MAP3K9: variants seen among roughly 807,000 people sequenced by gnomAD.
The protein encoded by MAP3K9 is mixed lineage kinase 1 (tyr and ser/thr specificity).
A neutral mutation model predicts 95.8 loss-of-function variants in MAP3K9; 46 were observed. The observed-to-expected ratio is 0.48, with a 90% CI of 0.38 to 0.61. MAP3K9 has a LOEUF of 0.61. Ranked by LOEUF, MAP3K9 falls within the 20% of genes least tolerant of loss-of-function variation. The probability of loss-of-function intolerance (pLI) is 0.00; values close to 1 mark genes in which losing one functional copy is unlikely to be tolerated. For synonymous variants in MAP3K9, 533 were observed against 593.8 expected (o/e 0.90, Z 1.49); for missense variants, 1,296 against 1,474.3 (o/e 0.88, Z 1.98).
chr14:70,733,568 A>C (rs774548297), intron 10 of MAP3K9, among the ~76,000 whole-genome samples: 130 of 152,318 alleles, frequency 8.5e-4, no homozygotes, highest in Non-Finnish European at 1.6e-3. Flanking sequence ...ATTTCCTTAG[A>C]GCAGAATAAA....
At chr14:70,756,381 A>G (rs1263931854) in intron 3 of MAP3K9, among the ~76,000 whole-genome samples, 1 of 152,230 alleles carries the variant, frequency 6.6e-6, no homozygotes, top group African/African-American at 2.4e-5. Context: ...CAATCATGTT[A>G]CTGAGAAATC....
chr14:70,793,251 T>G (rs1270391666), intron 2 of MAP3K9, among the ~76,000 whole-genome samples: 3 of 152,014 alleles, frequency 2.0e-5, no homozygotes, highest in East Asian at 3.8e-4. Context: ...AGGAAAAGTG[T>G]GAAGAGGGGA....
At chr14:70,764,292 CA>C (rs2054418404) in intron 2 of MAP3K9, among the ~76,000 whole-genome samples, 1 of 151,006 alleles carries the variant, frequency 6.6e-6, no homozygotes, top group South Asian at 2.1e-4. Context: ...TTAACAGCTC[CA>C]GGTGTGTTTT....
Position 70,734,497 on chromosome 14 carries a change from G to T in MAP3K9, c.1915C>A (p.Leu639Ile). 6.3e-7 allele frequency: 1 copy of T among 1,574,876 alleles called. No individual in the cohort carries two copies. Among genetic ancestry groups the T allele is most frequent in the Non-Finnish European group, 8.7e-7 (1 of 1,147,706 alleles). The change falls in exon 10 of 12, where the codon CTC becomes ATC. Residue 639 changes from leucine to isoleucine, a missense_variant and splice_region_variant. Leu to Ile is a conservative substitution (Grantham distance 5). Transcript: ENST00000554752. The stretch of plus-strand genomic sequence containing the variant: ...TTATATCCATCTACCAGGGACTTGA[G>T]GCTGAATCAGAGGAAAAGAGGAAAC... ...PSESPHFHLG[L>I]KSLVDGYKQW... is the part of the protein sequence containing the mutation.
chr14:70,765,751 CAAAAAAAAACAA>C (rs1566749987), intron 2 of MAP3K9, among the ~76,000 whole-genome samples: 930 of 89,794 alleles, frequency 0.01, 12 homozygotes, highest in African/African-American at 0.036. Context: ...AAAAAAAAAA[CAAAAAAAAACAA>C]AAAAAAAAAA....
Position 70,742,481 on chromosome 14 carries a change from G to C in MAP3K9, c.1437C>G (p.Ile479Met). ...TGATGATGTTGAGCTCCCGTTCCAG[G>C]ATGTCAATCTCCCGCTCGGCCAGCT... ...EQELAEREID[I>M]LERELNIIIH... is the part of the protein sequence containing the mutation. The change falls in exon 6 of 12, where the codon ATC becomes ATG. Residue 479 changes from isoleucine to methionine, a missense_variant. Ile to Met is a conservative substitution (Grantham distance 10, BLOSUM62 1). Transcript: ENST00000554752. 1 of 1,614,212 alleles carries C rather than the reference G, an allele frequency of 6.2e-7. No individual in the cohort carries two copies. Among genetic ancestry groups the C allele is most frequent in the Non-Finnish European group, 8.5e-7 (1 of 1,180,040 alleles).
At chr14:70,804,788 CTCTT>C (rs2054972218) in intron 1 of MAP3K9, among the ~76,000 whole-genome samples, 1 of 152,168 alleles carries the variant, frequency 6.6e-6, no homozygotes, top group South Asian at 2.1e-4. Flanking sequence ...GCAATAACCT[CTCTT>C]TGAGTAGAAC....
At chr14:70,734,294 C>T (rs1443223231) in intron 10 of MAP3K9, 92 bp downstream of exon 10, 8 of 842,894 alleles carry the variant, frequency 9.5e-6, no homozygotes, top group Non-Finnish European at 1.2e-5. Flanking sequence ...TGAAGCAGTG[C>T]TAGGGGTCCT....
intron 4 of MAP3K9, 64 bp from the exon 5 acceptor site, chr14:70,749,068 G>A (rs2078492441): frequency 1.4e-6 from 2 of 1,450,238 alleles, no homozygotes; most frequent in Non-Finnish European, 1.9e-6. Context: ...TAAGACTTAG[G>A]CTATTACATG....
chr14:70,764,555 G>C (rs1325407350), intron 2 of MAP3K9, among the ~76,000 whole-genome samples: 1 of 152,168 alleles, frequency 6.6e-6, no homozygotes, highest in Non-Finnish European at 1.5e-5. Flanking sequence ...TGTAGGCTGA[G>C]GGTGGTGGCT....
At chr14:70,741,199 T>C (rs1182498232) in intron 6 of MAP3K9, among the ~76,000 whole-genome samples, 1 of 152,184 alleles carries the variant, frequency 6.6e-6, no homozygotes, top group Non-Finnish European at 1.5e-5. Context: ...CAAGCAATTC[T>C]CCTGCCTCAG....
At chr14:70,776,635 G>C (rs1168309821) in intron 2 of MAP3K9, among the ~76,000 whole-genome samples, 1 of 152,110 alleles carries the variant, frequency 6.6e-6, no homozygotes, top group African/African-American at 2.4e-5. Flanking sequence ...CTCTCCGTTA[G>C]AGATTCACCC....
intron 3 of MAP3K9, among the ~76,000 whole-genome samples, chr14:70,758,861 C>G (rs981023063): frequency 2.0e-5 from 3 of 151,932 alleles, no homozygotes; most frequent in Non-Finnish European, 4.4e-5. Context: ...CTCCTGGGTT[C>G]AAGCGATTCT....
Position 70,809,147 on chromosome 14 carries a change from C to T in MAP3K9, c.25G>A (p.Gly9Ser), listed in dbSNP as rs2139878402. 1 of 1,378,932 alleles carries T rather than the reference C, an allele frequency of 7.3e-7. No homozygotes were observed. Among genetic ancestry groups the T allele is most frequent in the East Asian group, 3.0e-5 (1 of 33,434 alleles). 85.4% of individuals were successfully genotyped at this position (1,378,932 alleles called of 1,614,324 possible). Reference protein sequence around the residue: MEPSRALLGCLASAAAAAP... With the variant: MEPSRALLSCLASAAAAAP... ...GCAGCGGCGGCGCTCGCTAGGCAGC[C>T]GAGAAGCGCTCTGGAGGGCTCCATG... Residue 9 changes from glycine to serine, a missense_variant, in exon 1 of 12, where the codon GGC becomes AGC. Physicochemically the swap from Gly to Ser is moderately conservative, Grantham distance 56. Transcript: ENST00000554752.
At chr14:70,769,074 G>A (rs2054495796) in intron 2 of MAP3K9, among the ~76,000 whole-genome samples, 1 of 152,172 alleles carries the variant, frequency 6.6e-6, no homozygotes, top group Admixed American at 6.5e-5. Flanking sequence ...GGCTGGGAGT[G>A]GTGGAGCACA....
intron 2 of MAP3K9, among the ~76,000 whole-genome samples, chr14:70,787,398 C>T (rs1987652): frequency 0.3 from 45,110 of 151,364 alleles, 6,981 homozygotes; most frequent in Admixed American, 0.34. Context: ...ATCCTAGCTA[C>T]TCGGGAGGCT....
chr14:70,765,461 T>C (rs918003481), intron 2 of MAP3K9: 4 of 694,380 alleles, frequency 5.8e-6, no homozygotes, highest in Non-Finnish European at 1.0e-5. Context: ...CTTCCAGTCC[T>C]GTAAGCTCCA....
intron 2 of MAP3K9, among the ~76,000 whole-genome samples, chr14:70,782,989 G>A (rs1377605881): frequency 1.3e-5 from 2 of 152,286 alleles, no homozygotes; most frequent in Admixed American, 6.5e-5. Flanking sequence ...CTGGGAAAAC[G>A]CTCAAATGCC....
intron 9 of MAP3K9, among the ~76,000 whole-genome samples, chr14:70,735,149 ACAGGAGCTCGCTTT>A (rs2053966731): frequency 6.6e-6 from 1 of 152,190 alleles, no homozygotes; most frequent in Non-Finnish European, 1.5e-5. Context: ...GAGACAGAGG[ACAGGAGCTCGCTTT>A]CAAATCCCTG....
Sources: allele counts gnomAD v4.1 joint callset (sites outside exome capture counted in the v4.1 genomes callset), GRCh38; gene constraint gnomAD v4.1.1; transcripts MANE v1.5; gene names NCBI Gene and HGNC (gene_info 2026-07-23, HGNC 2026-07-21).